Variants in NTN1 observed in about 807,000 individuals in gnomAD.
NTN1 encodes the protein netrin 1, also known as netrin-1.
A neutral mutation model predicts 54.2 loss-of-function variants in NTN1; 11 were observed. That is an observed-to-expected ratio of 0.20 (90% confidence interval 0.13 to 0.34). The LOEUF (loss-of-function observed/expected upper bound fraction) is 0.34, where lower values mean the gene tolerates loss of function less well. Among genes scored for constraint, NTN1 ranks in the 10% least tolerant of loss-of-function variants. NTN1 has a pLI of 1.00. For synonymous variants in NTN1, 371 were observed against 382.0 expected (o/e 0.97, Z 0.33); for missense variants, 740 against 893.1 (o/e 0.83, Z 2.18).
At chr17:9,057,809 A>G (rs2091983999) in intron 2 of NTN1, among the ~76,000 whole-genome samples, 1 of 152,230 alleles carries the variant, frequency 6.6e-6, no homozygotes, top group African/African-American at 2.4e-5. Context: ...TTACAGGTCC[A>G]ATATTATAGA....
chr17:9,155,415 C>T (rs912703996), intron 2 of NTN1, among the ~76,000 whole-genome samples: 1 of 149,724 alleles, frequency 6.7e-6, no homozygotes, highest in African/African-American at 2.5e-5. Flanking sequence ...GATCTCAGCT[C>T]ACCGCAACCT....
chr17:9,196,315 C>T (rs779577096), intron 5 of NTN1, among the ~76,000 whole-genome samples: 8 of 152,174 alleles, frequency 5.3e-5, no homozygotes, highest in Non-Finnish European at 1.2e-4. Context: ...TTGGTGGGGA[C>T]ATTGTTTAGG....
At chr17:9,177,831 CGAGA>C (rs757878834) in intron 3 of NTN1, 9 of 152,394 alleles carry the variant, frequency 5.9e-5, no homozygotes, top group African/African-American at 1.9e-4. Flanking sequence ...TTCTTACTGT[CGAGA>C]GAGACAAACA....
intron 2 of NTN1, among the ~76,000 whole-genome samples, chr17:9,091,559 T>C (rs962114166): frequency 1.3e-5 from 2 of 151,790 alleles, no homozygotes; most frequent in Non-Finnish European, 2.9e-5. Flanking sequence ...GTTCGAGTGA[T>C]TCTCCTGCCT....
At chr17:9,028,290 A>G (rs72809928) in intron 2 of NTN1, among the ~76,000 whole-genome samples, 24,944 of 152,174 alleles carry the variant, frequency 0.16, 2,196 homozygotes, top group African/African-American at 0.19. Context: ...CGCTAGGTAC[A>G]GTTGACATGA....
rs564834036 is a variant in NTN1 at position 9,079,832 on chromosome 17, A to G, written c.1018+56441A>G. Among the ~76,000 whole-genome samples the G allele has an allele frequency of 1.2e-3, 170 of 141,892 alleles. 3 individuals are homozygous for G. Among genetic ancestry groups the G allele is most frequent in the African/African-American group, 4.2e-3 (158 of 37,202 alleles). 93.1% of individuals were successfully genotyped at this position (141,892 alleles called of 152,430 possible). On this transcript the variant is annotated intron_variant, in intron 2 of 6. Transcript: ENST00000173229. ...TGGCCCTGGAGGAAGTGGTTCCCCAATGGGCCTGTTTCCTGGCCCCCAAGG... is the reference window on the plus strand; with the variant it reads ...TGGCCCTGGAGGAAGTGGTTCCCCAGTGGGCCTGTTTCCTGGCCCCCAAGG...
At chr17:9,230,871 G>A (rs958072390) in intron 6 of NTN1, among the ~76,000 whole-genome samples, 5 of 152,126 alleles carry the variant, frequency 3.3e-5, no homozygotes, top group Non-Finnish European at 7.4e-5. Context: ...CTGTTTTTAG[G>A]AAGGAGGGGT....
At chr17:9,236,590 C>T (rs1193764163) in intron 6 of NTN1, among the ~76,000 whole-genome samples, 1 of 152,212 alleles carries the variant, frequency 6.6e-6, no homozygotes, top group Non-Finnish European at 1.5e-5. Context: ...CTACCACTAC[C>T]TGTCCCTGCC....
chr17:9,128,815 C>A (rs1043263017), intron 2 of NTN1, among the ~76,000 whole-genome samples: 1 of 152,194 alleles, frequency 6.6e-6, no homozygotes, highest in Non-Finnish European at 1.5e-5. Flanking sequence ...TGGCAAAAAT[C>A]AGAATCTTCA....
At chr17:9,200,340 C>A (rs2142335931) in intron 5 of NTN1, among the ~76,000 whole-genome samples, 1 of 152,344 alleles carries the variant, frequency 6.6e-6, no homozygotes, top group East Asian at 1.9e-4. Context: ...GGAGCAGATA[C>A]CAATGAATGC....
At chr17:9,062,182 T>A (rs1383302287) in intron 2 of NTN1, among the ~76,000 whole-genome samples, 2 of 152,210 alleles carry the variant, frequency 1.3e-5, no homozygotes, top group Non-Finnish European at 2.9e-5. Flanking sequence ...TTCAGGGCAT[T>A]GTAATATTTT....
At chr17:9,231,565 G>GGT (rs932911284) in intron 6 of NTN1, among the ~76,000 whole-genome samples, 2 of 152,234 alleles carry the variant, frequency 1.3e-5, no homozygotes, top group African/African-American at 4.8e-5. Context: ...TCCACACCAG[G>GGT]GTGCCCTGGG....
chr17:9,107,081 G>A (rs1228711853), intron 2 of NTN1, among the ~76,000 whole-genome samples: 1 of 152,158 alleles, frequency 6.6e-6, no homozygotes, highest in Admixed American at 6.5e-5. Flanking sequence ...GACCCCAGCA[G>A]CACACTTATT....
chr17:9,027,913 A>G (rs1282523090), intron 2 of NTN1, among the ~76,000 whole-genome samples: 1 of 152,046 alleles, frequency 6.6e-6, no homozygotes, highest in African/African-American at 2.4e-5. Context: ...CCCCTCTTTA[A>G]GAAGGCCTTC....
rs112771520 is a variant in NTN1 at position 9,025,434 on chromosome 17, A to C, written c.1018+2043A>C. On this transcript the variant is annotated intron_variant, in intron 2 of 6. Transcript: ENST00000173229. ...GTAACCGTTTTTGTTCAAAAAGTTT[A>C]ATTAGGCTTAATAAGTACATAATCT... is the stretch of plus-strand genomic sequence containing the variant. Among the ~76,000 whole-genome samples, 219 of 152,330 alleles carry C rather than the reference A, an allele frequency of 1.4e-3. 1 individual carries two copies. The highest frequency in any genetic ancestry group is 3.4e-3 in the Middle Eastern group (1 of 294).
intron 5 of NTN1, among the ~76,000 whole-genome samples, chr17:9,210,948 A>C (rs570602974): frequency 4.4e-4 from 63 of 144,594 alleles, no homozygotes; most frequent in African/African-American, 1.6e-3. Context: ...GCCTCACCTT[A>C]GACTATTTTT....
chr17:9,142,569 G>C (rs1436761676), intron 2 of NTN1, among the ~76,000 whole-genome samples: 1 of 152,018 alleles, frequency 6.6e-6, no homozygotes, highest in Non-Finnish European at 1.5e-5. Flanking sequence ...TGGGAGGGGG[G>C]TGGAGGTTTG....
chr17:9,160,661 A>G (rs1597510778), intron 2 of NTN1, among the ~76,000 whole-genome samples: 1 of 152,080 alleles, frequency 6.6e-6, no homozygotes, highest in Non-Finnish European at 1.5e-5. Flanking sequence ...AATTAAATAT[A>G]TATTTCTTAG....
intron 4 of NTN1, 69 bp downstream of exon 4, chr17:9,180,025 A>G: frequency 6.6e-7 from 1 of 1,525,764 alleles, no homozygotes; most frequent in African/African-American, 1.4e-5. Flanking sequence ...TGAGGATGCT[A>G]GTCACTGATG....
Sources: allele counts gnomAD v4.1 joint callset (sites outside exome capture counted in the v4.1 genomes callset), GRCh38; gene constraint gnomAD v4.1.1; transcripts MANE v1.5; gene names NCBI Gene and HGNC (gene_info 2026-07-23, HGNC 2026-07-21).